Variants in KCMF1 observed in about 807,000 individuals in gnomAD.
The protein encoded by KCMF1 is potassium channel modulatory factor 1.
Under a neutral mutation model 41.1 loss-of-function variants are expected in KCMF1, and 3 were observed. The ratio of observed to expected loss-of-function variants is 0.07; its 90% confidence interval spans 0.03 to 0.19. The LOEUF is 0.19. Among genes scored for constraint, KCMF1 ranks in the 10% least tolerant of loss-of-function variants. The pLI is 1.00. For synonymous variants in KCMF1, 142 were observed against 164.5 expected (o/e 0.86, Z 1.04); for missense variants, 286 against 488.9 (o/e 0.58, Z 3.91).
intron 1 of KCMF1, among the ~76,000 whole-genome samples, 159 bp downstream of exon 1, chr2:84,971,626 A>AGCCGCGGCGCCGCTGCCGCCACG (rs1482996125): frequency 6.7e-6 from 1 of 149,682 alleles, no homozygotes; most frequent in South Asian, 2.1e-4. Flanking sequence ...GAGGGCGGAG[A>AGCCGCGGCGCCGCTGCCGCCACG]GCCGCGGCGC....
chr2:84,983,111 A>G (rs17025765), intron 1 of KCMF1, among the ~76,000 whole-genome samples: 23,302 of 152,156 alleles, frequency 0.15, 2,736 homozygotes, highest in East Asian at 0.35. Context: ...AAGAGAAATA[A>G]CAAATCTACT....
intron 1 of KCMF1, among the ~76,000 whole-genome samples, chr2:85,012,518 C>T (rs1167956187): frequency 1.3e-5 from 2 of 152,082 alleles, no homozygotes; most frequent in South Asian, 2.1e-4. Context: ...TCCGTATTAC[C>T]GTATATCACT....
At chr2:85,010,207 C>G (rs1166566607) in intron 1 of KCMF1, among the ~76,000 whole-genome samples, 1 of 152,182 alleles carries the variant, frequency 6.6e-6, no homozygotes, top group Non-Finnish European at 1.5e-5. Context: ...CGTGGTGGCT[C>G]ACCCCTGTAA....
At chr2:84,975,794 C>T (rs1464653059) in intron 1 of KCMF1, among the ~76,000 whole-genome samples, 36 of 152,184 alleles carry the variant, frequency 2.4e-4, no homozygotes, top group Non-Finnish European at 1.8e-4. Context: ...TTAAAATCTA[C>T]TTTTAAAGCT....
chr2:85,018,607 G>A (rs535407781), intron 1 of KCMF1, among the ~76,000 whole-genome samples: 10 of 151,988 alleles, frequency 6.6e-5, no homozygotes, highest in African/African-American at 1.9e-4. Flanking sequence ...GGTTGCACAT[G>A]TTATTATTTG....
intron 3 of KCMF1, among the ~76,000 whole-genome samples, chr2:85,042,007 C>T (rs1320393271): frequency 6.6e-6 from 1 of 152,144 alleles, no homozygotes; most frequent in Admixed American, 6.5e-5. Flanking sequence ...AACTTTGACA[C>T]ATACAGCTAC....
At chr2:85,018,703 A>C (rs1674849709) in intron 1 of KCMF1, among the ~76,000 whole-genome samples, 1 of 152,048 alleles carries the variant, frequency 6.6e-6, no homozygotes, top group Non-Finnish European at 1.5e-5. Context: ...AGTGCTATCT[A>C]GACAACTAGT....
At chr2:84,976,923 GA>G (rs1174170693) in intron 1 of KCMF1, among the ~76,000 whole-genome samples, 1 of 151,880 alleles carries the variant, frequency 6.6e-6, no homozygotes, top group African/African-American at 2.4e-5. Context: ...ATGATGTTTT[GA>G]AATATGTATA....
chr2:85,006,300 T>TC (rs1674470275), intron 1 of KCMF1, among the ~76,000 whole-genome samples: 2 of 136,112 alleles, frequency 1.5e-5, no homozygotes, highest in African/African-American at 5.5e-5. Flanking sequence ...ATTTTCTTTT[T>TC]TTTTTTTTTT....
At chr2:84,977,440 T>G in intron 1 of KCMF1, among the ~76,000 whole-genome samples, 1 of 152,150 alleles carries the variant, frequency 6.6e-6, no homozygotes, top group East Asian at 1.9e-4. Flanking sequence ...TTTCAGTTCG[T>G]TTTTTGTTTT....
chr2:85,031,832 C>A (rs971533174), intron 2 of KCMF1, among the ~76,000 whole-genome samples: 1 of 152,176 alleles, frequency 6.6e-6, no homozygotes, highest in Admixed American at 6.5e-5. Context: ...GTCTCAATCT[C>A]AGGCTCAAGT....
At chr2:85,028,996 G>A (rs1403087336) in intron 2 of KCMF1, among the ~76,000 whole-genome samples, 1 of 152,002 alleles carries the variant, frequency 6.6e-6, no homozygotes, top group Non-Finnish European at 1.5e-5. Flanking sequence ...TTAAGACAGA[G>A]TCTCACTCTG....
At chr2:84,990,336 T>C (rs1046282809) in intron 1 of KCMF1, among the ~76,000 whole-genome samples, 8 of 152,192 alleles carry the variant, frequency 5.3e-5, no homozygotes, top group African/African-American at 1.7e-4. Flanking sequence ...GGAAAACTCA[T>C]TCATTCTACA....
intron 1 of KCMF1, among the ~76,000 whole-genome samples, chr2:84,989,695 A>G (rs957648882): frequency 6.6e-6 from 1 of 152,200 alleles, no homozygotes; most frequent in African/African-American, 2.4e-5. Context: ...GGCTTGATTA[A>G]TTGGGCGTTG....
At chr2:85,052,315 C>T (rs1675828135) in intron 6 of KCMF1, among the ~76,000 whole-genome samples, 1 of 152,198 alleles carries the variant, frequency 6.6e-6, no homozygotes, top group African/African-American at 2.4e-5. Flanking sequence ...AGGTGATCCG[C>T]CCGCCTTGGC....
rs560908892 is a variant in KCMF1 at position 85,007,389 on chromosome 2, A to G, written c.17-20500A>G. On this transcript the variant is annotated intron_variant, in intron 1 of 6. Coordinates refer to ENST00000409785, the MANE Select transcript of KCMF1 (RefSeq NM_020122.5). ...GAGTTTCCAAGAGTCTGGAGAAATC[A>G]TTGGGCAAGGTCACAAATGCACCTT... Among the ~76,000 whole-genome samples the G allele has an allele frequency of 4.6e-5, 7 of 152,340 alleles. No homozygotes were observed. The South Asian group carries it at 1.4e-3, about 32-fold the overall frequency.
At chr2:85,002,106 T>C (rs1316714096) in intron 1 of KCMF1, among the ~76,000 whole-genome samples, 1 of 152,200 alleles carries the variant, frequency 6.6e-6, no homozygotes, top group Non-Finnish European at 1.5e-5. Flanking sequence ...GAAGAATTGA[T>C]TATATTAATA....
rs1467806608 is a variant in KCMF1, at chr2:85,059,296, C to T, written c.*5887C>T. The T allele has an allele frequency of 1.3e-5, 2 of 152,178 alleles. No individual in the cohort carries two copies. The highest frequency in any genetic ancestry group is 2.9e-5 in the Non-Finnish European group (2 of 68,040). The allele number at this position is 152,178 out of a possible 1,614,324, so 9.4% of individuals were successfully genotyped here. A position where few individuals can be genotyped will look rare whatever the true frequency, so the allele number is the denominator to read the frequency against. On this transcript the variant is annotated 3_prime_UTR_variant, in exon 7 of 7. Coordinates refer to ENST00000409785, the MANE Select transcript of KCMF1 (RefSeq NM_020122.5). ...CCATGTGTGCTGACCACTCACGATT[C>T]AGACTTACCTTGGAAAATATCACAC... is the stretch of plus-strand genomic sequence containing the variant.
intron 4 of KCMF1, among the ~76,000 whole-genome samples, chr2:85,044,398 G>A (rs931625458): frequency 2.6e-5 from 4 of 151,482 alleles, no homozygotes; most frequent in African/African-American, 9.7e-5. Flanking sequence ...TTTAAAAGTC[G>A]GAGTCTTGCT....
Sources: gnomAD v4.1 joint callset for allele counts (sites outside exome capture counted in the v4.1 genomes callset) on GRCh38, gnomAD v4.1.1 for gene constraint, MANE v1.5 for transcripts, NCBI Gene and HGNC (gene_info 2026-07-23, HGNC 2026-07-21) for gene names.